PRELID2: variants seen among roughly 807,000 people sequenced by gnomAD.
PRELID2 encodes PRELI domain-containing protein 2.
A neutral mutation model predicts 28.4 loss-of-function variants in PRELID2; 25 were observed. The observed-to-expected ratio is 0.88, with a 90% CI of 0.64 to 1.23. PRELID2 has a LOEUF of 1.23. Ranked by LOEUF, PRELID2 falls within the 50% of genes most tolerant of loss-of-function variation. The pLI, the probability that PRELID2 is intolerant of heterozygous loss-of-function variation, is 0.00. For missense variants in PRELID2, 201 were observed against 214.4 expected, an observed-to-expected ratio of 0.94 and a Z score of 0.39; for synonymous variants, 76 against 71.6, an observed-to-expected ratio of 1.06 and a Z score of -0.31.
intron 1 of PRELID2, among the ~76,000 whole-genome samples, chr5:145,832,244 G>A (rs774957330): frequency 1.3e-5 from 2 of 152,176 alleles, no homozygotes; most frequent in African/African-American, 2.4e-5. Flanking sequence ...GGAGTGCAAT[G>A]GCATGATCTC....
the PRELID2 span, among the ~76,000 whole-genome samples, chr5:145,398,093 C>A: frequency 5.3e-5 from 8 of 152,080 alleles, no homozygotes; most frequent in African/African-American, 1.9e-4. Context: ...ATGGCAGGGA[C>A]CAGAATCAGG....
At chr5:145,436,304 G>A in the PRELID2 span, among the ~76,000 whole-genome samples, 1 of 152,062 alleles carries the variant, frequency 6.6e-6, no homozygotes, top group African/African-American at 2.4e-5. Flanking sequence ...AATGTATACA[G>A]GTATCACATT....
chr5:145,742,201 T>TATA (rs1756842742), intron 1 of PRELID2, among the ~76,000 whole-genome samples: 1 of 135,032 alleles, frequency 7.4e-6, no homozygotes, highest in African/African-American at 2.7e-5. Context: ...AATAATAATA[T>TATA]ATAAATATAC....
chr5:145,409,451 A>G, the PRELID2 span, among the ~76,000 whole-genome samples: 1 of 152,170 alleles, frequency 6.6e-6, no homozygotes, highest in Non-Finnish European at 1.5e-5. Flanking sequence ...AACTCCACCA[A>G]CCAAGTATCT....
intron 1 of PRELID2, among the ~76,000 whole-genome samples, chr5:145,651,363 C>T (rs1239142446): frequency 6.6e-6 from 1 of 152,216 alleles, no homozygotes; most frequent in African/African-American, 2.4e-5. Flanking sequence ...GCAGCAGAAA[C>T]CTCTGCAGAC....
the PRELID2 span, among the ~76,000 whole-genome samples, chr5:145,445,351 C>T: frequency 6.6e-6 from 1 of 151,986 alleles, no homozygotes; most frequent in East Asian, 1.9e-4. Flanking sequence ...ACTATACCCC[C>T]ACTTCTCATC....
intron 1 of PRELID2, among the ~76,000 whole-genome samples, chr5:145,516,525 A>G (rs1430100210): frequency 2.6e-5 from 4 of 152,196 alleles, no homozygotes; most frequent in African/African-American, 7.2e-5. Flanking sequence ...ATGCTCATGG[A>G]CAGGAAGAAT....
rs573051902 is a variant in PRELID2 at position 145,695,347 on chromosome 5, A to C, written n.70+69584T>G. Among the ~76,000 whole-genome samples, 18 of 152,386 alleles carry C rather than the reference A, an allele frequency of 1.2e-4. No homozygotes were observed. The East Asian group carries it at 3.5e-3, about 29-fold the overall frequency. On this transcript the variant is annotated intron_variant and non_coding_transcript_variant, in intron 1 of 2. Transcript: ENST00000510259. ...CCTGAGGCAGAAAAGAGCTTGGTGC[A>C]TTCAAAGCCCTGAAGGAGGCCTGAA...
At chr5:145,741,194 T>C (rs1176843560) in intron 1 of PRELID2, among the ~76,000 whole-genome samples, 3 of 84,800 alleles carry the variant, frequency 3.5e-5, no homozygotes, top group Non-Finnish European at 2.1e-5. Context: ...TAATATATAC[T>C]ATACAGATAT....
At chr5:145,373,434 T>TATATATTACAACATATATAATATATATG in the PRELID2 span, among the ~76,000 whole-genome samples, 21 of 47,974 alleles carry the variant, frequency 4.4e-4, 8 homozygotes, top group Admixed American at 6.7e-4. Context: ...TATATGATAT[T>TATATATTACAACATATATAATATATATG]ATATATTACA....
intron 4 of PRELID2, among the ~76,000 whole-genome samples, chr5:145,811,156 T>A (rs1753908642): frequency 7.4e-6 from 1 of 135,136 alleles, no homozygotes; most frequent in Admixed American, 7.7e-5. Context: ...AACCATCAGA[T>A]CTCGTGAAAC....
rs140388644 is a variant in PRELID2 at position 145,609,348 on chromosome 5, G to T, written n.71-136033C>A. Among the ~76,000 whole-genome samples, 1,399 of 152,302 alleles carry T rather than the reference G, an allele frequency of 9.2e-3. 31 individuals are homozygous for T. Among genetic ancestry groups the T allele is most frequent in the African/African-American group, 0.032 (1,329 of 41,562 alleles). On this transcript the variant is annotated intron_variant and non_coding_transcript_variant, in intron 1 of 2. Transcript: ENST00000510259. ...GTAAGAAAATATTCTCTGGCTTTTT[G>T]AGTTGCCTAAGTTCCCGTGCTGGTT...
At chr5:145,654,715 C>A (rs1382588621) in intron 1 of PRELID2, among the ~76,000 whole-genome samples, 1 of 152,146 alleles carries the variant, frequency 6.6e-6, no homozygotes, top group African/African-American at 2.4e-5. Flanking sequence ...ATGCTAAAAA[C>A]TCTCAATAAA....
At chr5:145,396,257 A>G in the PRELID2 span, among the ~76,000 whole-genome samples, 693 of 152,280 alleles carry the variant, frequency 4.6e-3, 3 homozygotes, top group African/African-American at 0.016. Context: ...TTAGATGTGA[A>G]GATAATTGAG....
intron 1 of PRELID2, among the ~76,000 whole-genome samples, chr5:145,597,065 C>A (rs1190329737): frequency 1.3e-5 from 2 of 152,060 alleles, no homozygotes; most frequent in African/African-American, 4.8e-5. Context: ...GTTAACCTTG[C>A]TGAACATAAG....
intron 1 of PRELID2, among the ~76,000 whole-genome samples, chr5:145,700,756 C>T (rs1194209969): frequency 6.6e-6 from 1 of 152,130 alleles, no homozygotes; most frequent in Non-Finnish European, 1.5e-5. Flanking sequence ...TGGGAGCATC[C>T]AACTCACTGT....
chr5:145,247,615 T>TAGTATTG, the PRELID2 span, among the ~76,000 whole-genome samples: 1 of 152,144 alleles, frequency 6.6e-6, no homozygotes, highest in Non-Finnish European at 1.5e-5. Context: ...CATGAGTGGC[T>TAGTATTG]AGTATTGAAT....
At chr5:145,284,592 T>C in the PRELID2 span, among the ~76,000 whole-genome samples, 3 of 152,346 alleles carry the variant, frequency 2.0e-5, no homozygotes, top group South Asian at 4.1e-4. Flanking sequence ...AAAGGAATCC[T>C]ATTCTTCAAC....
the PRELID2 span, chr5:145,229,424 C>T: frequency 2.6e-6 from 2 of 770,538 alleles, no homozygotes; most frequent in Non-Finnish European, 2.3e-6. Flanking sequence ...GAACCAAGTG[C>T]CTCCAGGTCT....
Sources: allele counts gnomAD v4.1 joint callset (sites outside exome capture counted in the v4.1 genomes callset), GRCh38; gene constraint gnomAD v4.1.1; transcripts MANE v1.5; gene names NCBI Gene and HGNC (gene_info 2026-07-23, HGNC 2026-07-21).